Variants in SYT9 observed in about 807,000 individuals in gnomAD.
SYT9 encodes synaptotagmin-9.
In SYT9, 22 loss-of-function variants were observed where a neutral mutation model predicts 48.4. The observed-to-expected ratio is 0.45, with a 90% CI of 0.32 to 0.65. The LOEUF is 0.65. Ranked by LOEUF, SYT9 falls within the 30% of genes least tolerant of loss-of-function variation. SYT9 has a pLI of 0.03. For synonymous variants in SYT9, 265 were observed against 245.0 expected (o/e 1.08, Z -0.76); for missense variants, 577 against 622.0 (o/e 0.93, Z 0.77).
chr11:7,331,782 C>A (rs1489832234), intron 3 of SYT9, among the ~76,000 whole-genome samples: 1 of 152,046 alleles, frequency 6.6e-6, no homozygotes, highest in African/African-American at 2.4e-5. Flanking sequence ...TATATGCACC[C>A]GGAATAGATG....
Position 7,308,470 on chromosome 11 carries a change from G to T in SYT9, c.498-4925G>T, listed in dbSNP as rs551509891. Reference sequence around the variant, plus strand: ...GAGCCTGGACTCAGAGATGCAGTGGGTGTATATGAGGGACTCTAGAAAAAG... The same window carrying T: ...GAGCCTGGACTCAGAGATGCAGTGGTTGTATATGAGGGACTCTAGAAAAAG... On this transcript the variant is annotated intron_variant, in intron 2 of 6. Coordinates refer to ENST00000318881, the MANE Select transcript of SYT9 (RefSeq NM_175733.4). 1.3e-3 allele frequency among the ~76,000 whole-genome samples: 202 copies of T among 152,300 alleles called. No individual in the cohort carries two copies. The Middle Eastern group carries it at 0.02, about 15-fold the overall frequency.
At chr11:7,303,547 C>T (rs74771319) in intron 2 of SYT9, among the ~76,000 whole-genome samples, 157 bp downstream of exon 2, 1 of 152,312 alleles carries the variant, frequency 6.6e-6, no homozygotes, top group Admixed American at 6.5e-5. Context: ...TTCCTACGCC[C>T]TCCTTGGTCT....
chr11:7,440,659 C>T (rs1847813724), intron 6 of SYT9: 1 of 152,112 alleles, frequency 6.6e-6, no homozygotes, highest in South Asian at 2.1e-4. Flanking sequence ...TTCCTACTGC[C>T]CTTTGGAACT....
intron 6 of SYT9, among the ~76,000 whole-genome samples, chr11:7,425,684 A>G (rs1847441405): frequency 1.3e-5 from 2 of 152,192 alleles, no homozygotes; most frequent in South Asian, 4.1e-4. Context: ...TTGGTGGGGA[A>G]CCAAGGCTGC....
At chr11:7,314,865 C>T (rs575376846) in intron 3 of SYT9, among the ~76,000 whole-genome samples, 5 of 152,322 alleles carry the variant, frequency 3.3e-5, no homozygotes, top group Non-Finnish European at 7.3e-5. Flanking sequence ...GACCAAGCAC[C>T]ACCGTCTTTA....
intron 3 of SYT9, among the ~76,000 whole-genome samples, chr11:7,367,150 C>T (rs900528947): frequency 1.5e-5 from 2 of 130,502 alleles, no homozygotes; most frequent in African/African-American, 5.7e-5. Flanking sequence ...GGCGCAATCT[C>T]GGCTCACTGC....
intron 3 of SYT9, among the ~76,000 whole-genome samples, chr11:7,373,519 A>G (rs1419097916): frequency 6.6e-6 from 1 of 152,108 alleles, no homozygotes; most frequent in African/African-American, 2.4e-5. Context: ...TGCCAAGCAT[A>G]GGCTTTGTCT....
chr11:7,298,716 G>T (rs1404951712), intron 1 of SYT9, among the ~76,000 whole-genome samples: 1 of 151,902 alleles, frequency 6.6e-6, no homozygotes, highest in African/African-American at 2.4e-5. Flanking sequence ...TGGAATGTCT[G>T]CTGGGTCTAA....
Position 7,252,177 on chromosome 11 carries a change from C to CG in SYT9, c.-3dup, listed in dbSNP as rs763868213. On this transcript the variant is annotated 5_prime_UTR_variant, in exon 1 of 7. Transcript: ENST00000318881. This position sits in a 1 kb window ranked among gnomAD's most constrained non-coding sequence, Gnocchi z 6.3. Reference sequence around the variant, plus strand: ...GCCTGCCCGGCGCGGTCCGAGGATGCGGGGGGGCGATGCCCGGGGCCAGGG... The same window carrying CG: ...GCCTGCCCGGCGCGGTCCGAGGATGCGGGGGGGGCGATGCCCGGGGCCAGGG... 252 of 1,437,256 alleles carry CG rather than the reference C, an allele frequency of 1.8e-4. No individual in the cohort carries two copies. Among genetic ancestry groups the CG allele is most frequent in the Middle Eastern group, 1.2e-3 (5 of 4,068 alleles). The allele number at this position is 1,437,256 out of a possible 1,614,324, so 89.0% of individuals were successfully genotyped here. A position where few individuals can be genotyped will look rare whatever the true frequency, so the allele number is the denominator to read the frequency against.
chr11:7,430,747 T>C (rs1448812237), intron 6 of SYT9, among the ~76,000 whole-genome samples: 2 of 152,130 alleles, frequency 1.3e-5, no homozygotes, highest in African/African-American at 4.8e-5. Flanking sequence ...CTGCCTTGCT[T>C]CTGCTCTGCC....
At chr11:7,318,560 G>A (rs768213130) in intron 3 of SYT9, among the ~76,000 whole-genome samples, 12 of 152,214 alleles carry the variant, frequency 7.9e-5, no homozygotes, top group Admixed American at 2.6e-4. Flanking sequence ...TGGATCTGCC[G>A]GCCTTGGCTT....
At chr11:7,300,939 T>A (rs1332462440) in intron 1 of SYT9, among the ~76,000 whole-genome samples, 1 of 152,184 alleles carries the variant, frequency 6.6e-6, no homozygotes, top group Non-Finnish European at 1.5e-5. Context: ...TTGACCCCAC[T>A]GACTCCACTC....
intron 1 of SYT9, among the ~76,000 whole-genome samples, chr11:7,285,805 A>G (rs138493308): frequency 0.019 from 2,852 of 152,334 alleles, 75 homozygotes; most frequent in African/African-American, 0.065. Context: ...CAAAGGGGCT[A>G]CAGGCCCTAT....
intron 1 of SYT9, among the ~76,000 whole-genome samples, chr11:7,245,089 C>T (rs1318361306): frequency 6.6e-6 from 1 of 152,194 alleles, no homozygotes; most frequent in Non-Finnish European, 1.5e-5. Context: ...CTGGACGTGA[C>T]TTGGAGCAGC....
intron 1 of SYT9, among the ~76,000 whole-genome samples, chr11:7,274,950 T>C (rs759471953): frequency 2.0e-5 from 3 of 152,030 alleles, no homozygotes; most frequent in Non-Finnish European, 2.9e-5. Context: ...CACACCTGAT[T>C]CTTCACACAG....
intron 3 of SYT9, among the ~76,000 whole-genome samples, chr11:7,370,197 G>A (rs1433922520): frequency 6.6e-6 from 1 of 152,158 alleles, no homozygotes; most frequent in Non-Finnish European, 1.5e-5. Context: ...ATAGTCTCCA[G>A]TCTCATCCAG....
chr11:7,376,156 T>C (rs1300412128), intron 3 of SYT9, among the ~76,000 whole-genome samples: 1 of 152,246 alleles, frequency 6.6e-6, no homozygotes, highest in East Asian at 1.9e-4. Context: ...CTGCTTTGTA[T>C]TCCCAGCACC....
At chr11:7,270,905 A>G (rs1375552461) in intron 1 of SYT9, among the ~76,000 whole-genome samples, 3 of 151,728 alleles carry the variant, frequency 2.0e-5, no homozygotes, top group Non-Finnish European at 4.4e-5. Context: ...AGGTGTGGAG[A>G]GTTTTTGCAG....
chr11:7,452,394 A>G (rs4589277), intron 6 of SYT9, among the ~76,000 whole-genome samples: 25,217 of 152,106 alleles, frequency 0.17, 2,482 homozygotes, highest in African/African-American at 0.26. Flanking sequence ...CTTCTTTCCC[A>G]CAGAGGTGTA....
Sources: allele counts gnomAD v4.1 joint callset (sites outside exome capture counted in the v4.1 genomes callset), GRCh38; gene constraint gnomAD v4.1.1; non-coding constraint Gnocchi (gnomAD v3.1); transcripts MANE v1.5; gene names NCBI Gene and HGNC (gene_info 2026-07-23, HGNC 2026-07-21).